The following ZC2HC1B variants were observed in gnomAD, a reference collection of about 807,000 sequenced individuals.
ZC2HC1B encodes the protein zinc finger C2HC-type containing 1B, also known as zinc finger C2HC domain-containing protein 1B.
Under a neutral mutation model 31.0 loss-of-function variants are expected in ZC2HC1B, and 36 were observed. The observed-to-expected ratio is 1.16, with a 90% confidence interval of 0.89 to 1.54. ZC2HC1B has a LOEUF of 1.54. Among genes scored for constraint, ZC2HC1B ranks in the 40% most tolerant of loss-of-function variants. The pLI, the probability that ZC2HC1B is intolerant of heterozygous loss-of-function variation, is 0.00. For missense variants in ZC2HC1B, 260 were observed against 268.6 expected (o/e 0.97, Z 0.22); for synonymous variants, 73 against 88.0 (o/e 0.83, Z 0.95).
Position 143,903,208 on chromosome 6 carries a change from G to A in ZC2HC1B, c.598+56G>A, listed in dbSNP as rs139600165. The A allele has an allele frequency of 1.3e-3, 1,845 of 1,475,938 alleles. 12 individuals carry two copies. Among genetic ancestry groups the A allele is most frequent in the Non-Finnish European group, 1.2e-3 (1,254 of 1,078,176 alleles). 91.4% of individuals were successfully genotyped at this position (1,475,938 alleles called of 1,614,324 possible). On this transcript the variant is annotated intron_variant, in intron 6 of 7. Transcript: ENST00000237275. The surrounding 1 kb of genome is among the most constrained non-coding windows in gnomAD (Gnocchi z 4.3). Reference sequence around the variant, plus strand: ...ATGATGGGGGTCAGAGGAGATCACTGTTGGGTTTGGGATTCACTGGTAGTC... The same window carrying A: ...ATGATGGGGGTCAGAGGAGATCACTATTGGGTTTGGGATTCACTGGTAGTC...
rs1420870568 is a variant in ZC2HC1B, at chr6:143,871,119, C to A, written c.28+6552C>A. On this transcript the variant is annotated intron_variant, in intron 1 of 7. Coordinates refer to ENST00000237275, the MANE Select transcript of ZC2HC1B (RefSeq NM_001013623.3). The surrounding 1 kb of genome is among the most constrained non-coding windows in gnomAD (Gnocchi z 4.1). ...TCTCAACAGGACCCATACCACTGGA[C>A]CCCTAGAAATTTTATTGTGGAAGAA... Among the ~76,000 whole-genome samples, 1 of 152,110 alleles carries A rather than the reference C, an allele frequency of 6.6e-6. No homozygotes were observed. The highest frequency in any genetic ancestry group is 6.6e-5 in the Admixed American group (1 of 15,264).
In ZC2HC1B at chr6:143,903,217, G is replaced by A. The variant is rs1777757388; in HGVS notation, c.598+65G>A. 2 of 1,376,994 alleles carry A rather than the reference G, an allele frequency of 1.5e-6. No individual in the cohort carries two copies. The highest frequency in any genetic ancestry group is 2.0e-6 in the Non-Finnish European group (2 of 988,486). The allele number at this position is 1,376,994 out of a possible 1,614,324, so 85.3% of individuals were successfully genotyped here. A position where few individuals can be genotyped will look rare whatever the true frequency, so the allele number is the denominator to read the frequency against. On this transcript the variant is annotated intron_variant, in intron 6 of 7. Coordinates refer to ENST00000237275, the MANE Select transcript of ZC2HC1B (RefSeq NM_001013623.3). The surrounding 1 kb of genome is among the most constrained non-coding windows in gnomAD (Gnocchi z 4.3). Reference sequence around the variant, plus strand: ...GTCAGAGGAGATCACTGTTGGGTTTGGGATTCACTGGTAGTCTGCAAAAGC... The same window carrying A: ...GTCAGAGGAGATCACTGTTGGGTTTAGGATTCACTGGTAGTCTGCAAAAGC...
intron 4 of ZC2HC1B, among the ~76,000 whole-genome samples, chr6:143,898,175 T>TA (rs763712272): frequency 5.9e-5 from 9 of 152,194 alleles, no homozygotes; most frequent in Non-Finnish European, 1.3e-4. Flanking sequence ...TATCATTACT[T>TA]ACATATTTAT....
chr6:143,875,277 G>C (rs1054903318), intron 1 of ZC2HC1B, among the ~76,000 whole-genome samples: 1 of 152,174 alleles, frequency 6.6e-6, no homozygotes, highest in African/African-American at 2.4e-5. Context: ...CCTTGGTCAA[G>C]GGTATATTTT....
At chr6:143,925,668 C>A (rs1223701399) in intron 6 of ZC2HC1B, among the ~76,000 whole-genome samples, 1 of 151,782 alleles carries the variant, frequency 6.6e-6, no homozygotes, top group Non-Finnish European at 1.5e-5. Context: ...TCCCGAGTAG[C>A]TGGGATTATA....
At position 143,923,886 on chromosome 6, in the gene ZC2HC1B, C is replaced by T. The variant is rs1030081528; in HGVS notation, c.599-13763C>T. Among the ~76,000 whole-genome samples, 17 of 151,824 alleles carry T rather than the reference C, an allele frequency of 1.1e-4. No individual in the cohort carries two copies. The highest frequency in any genetic ancestry group is 6.2e-4 in the South Asian group (3 of 4,810). On this transcript the variant is annotated intron_variant, in intron 6 of 7. Coordinates refer to ENST00000237275, the MANE Select transcript of ZC2HC1B (RefSeq NM_001013623.3). The surrounding 1 kb of genome is among the most constrained non-coding windows in gnomAD (Gnocchi z 4.8). ...TATTTTGAAATCAGGTATGTGATGCCTCCAGCTTTGTTTTTTTTTACTCAG... is the reference window on the plus strand; with the variant it reads ...TATTTTGAAATCAGGTATGTGATGCTTCCAGCTTTGTTTTTTTTTACTCAG...
intron 1 of ZC2HC1B, among the ~76,000 whole-genome samples, chr6:143,878,083 A>T (rs1777428156): frequency 6.6e-6 from 1 of 150,858 alleles, no homozygotes; most frequent in African/African-American, 2.4e-5. Context: ...TACTTGCTAA[A>T]ACTTACTTGT....
chr6:143,893,513 G>A (rs1308731326), intron 4 of ZC2HC1B, among the ~76,000 whole-genome samples: 1 of 152,052 alleles, frequency 6.6e-6, no homozygotes, highest in Middle Eastern at 3.2e-3. Context: ...GTTGCAGTGA[G>A]CAGAGATTGT....
In ZC2HC1B at chr6:143,886,075, G is replaced by A. The variant is rs779338043; in HGVS notation, c.134G>A (p.Arg45His). 3.7e-5 allele frequency: 58 copies of A among 1,548,154 alleles called. No individual in the cohort carries two copies. The highest frequency in any genetic ancestry group is 7.4e-5 in the East Asian group (3 of 40,796). ...PICKKLFNRK[R>H]KPFSSLKQRL... ...TGTAAGAAACTCTTCAACAGAAAGC[G>A]TAAACCTTTCAGTTCTTTGAAGCAA... The change falls in exon 3 of 8, where the codon CGT becomes CAT. Residue 45 changes from arginine (R) to histidine (H), a missense_variant. Physicochemically the swap from Arg to His is conservative, Grantham distance 29. Transcript: ENST00000237275. This position sits in a 1 kb window ranked among gnomAD's most constrained non-coding sequence, Gnocchi z 4.2.
In ZC2HC1B at chr6:143,922,502, A is replaced by G. The variant is rs1777994645; in HGVS notation, c.599-15147A>G. On this transcript the variant is annotated intron_variant, in intron 6 of 7. Coordinates refer to ENST00000237275, the MANE Select transcript of ZC2HC1B (RefSeq NM_001013623.3). The surrounding 1 kb of genome is among the most constrained non-coding windows in gnomAD (Gnocchi z 5.0). Reference sequence around the variant, plus strand: ...CACACACATACCCTTCCCGTCCTCTAGTAACTATCATTCTATTCCCTACAT... The same window carrying G: ...CACACACATACCCTTCCCGTCCTCTGGTAACTATCATTCTATTCCCTACAT... Among the ~76,000 whole-genome samples, 1 of 152,308 alleles carries G rather than the reference A, an allele frequency of 6.6e-6. No individual in the cohort carries two copies. The highest frequency in any genetic ancestry group is 6.5e-5 in the Admixed American group (1 of 15,298).
Position 143,885,891 on chromosome 6 carries a change from C to T in ZC2HC1B, c.91-141C>T. ...GGATGAGAAGAGCCAGATGGATTTG[C>T]TCTGCTGTGACCTGTTAGAGAATGA... On this transcript the variant is annotated intron_variant, in intron 2 of 7. Coordinates refer to ENST00000237275, the MANE Select transcript of ZC2HC1B (RefSeq NM_001013623.3). The surrounding 1 kb of genome is among the most constrained non-coding windows in gnomAD (Gnocchi z 4.2). The T allele has an allele frequency of 1.1e-6, 1 of 897,520 alleles. No individual in the cohort carries two copies. Among genetic ancestry groups the T allele is most frequent in the African/African-American group, 1.7e-5 (1 of 57,746 alleles). The allele number at this position is 897,520 out of a possible 1,614,324, so 55.6% of individuals were successfully genotyped here.
chr6:143,906,958 T>G (rs1276157064), intron 6 of ZC2HC1B, among the ~76,000 whole-genome samples: 1 of 152,140 alleles, frequency 6.6e-6, no homozygotes, highest in Non-Finnish European at 1.5e-5. Flanking sequence ...CAGGCCCCAT[T>G]GTGTGTTGTT....
At chr6:143,912,601 A>G (rs1275126071) in intron 6 of ZC2HC1B, among the ~76,000 whole-genome samples, 1 of 152,212 alleles carries the variant, frequency 6.6e-6, no homozygotes, top group Non-Finnish European at 1.5e-5. Context: ...TGAAATAGCA[A>G]AGATGGCAGC....
In ZC2HC1B at chr6:143,924,955, C is replaced by T. The variant is rs547318704; in HGVS notation, c.599-12694C>T. Among the ~76,000 whole-genome samples, 13 of 152,072 alleles carry T rather than the reference C, an allele frequency of 8.5e-5. No individual in the cohort carries two copies. In the South Asian group the frequency reaches 1.0e-3, roughly 12 times the overall value. On this transcript the variant is annotated intron_variant, in intron 6 of 7. Coordinates refer to ENST00000237275, the MANE Select transcript of ZC2HC1B (RefSeq NM_001013623.3). This position sits in a 1 kb window ranked among gnomAD's most constrained non-coding sequence, Gnocchi z 5.2. ...GTATTGGCCTGTAGTTTTCTATTTC[C>T]ATTATGTCCTTGTCTGGTTTTGGTA... is the stretch of plus-strand genomic sequence containing the variant.
rs557266695 is a variant in ZC2HC1B, at chr6:143,911,431, C to T, written c.598+8279C>T. Among the ~76,000 whole-genome samples the T allele has an allele frequency of 1.4e-4, 22 of 152,274 alleles. No homozygotes were observed. Among genetic ancestry groups the T allele is most frequent in the African/African-American group, 5.3e-4 (22 of 41,554 alleles). On this transcript the variant is annotated intron_variant, in intron 6 of 7. Transcript: ENST00000237275. This position sits in a 1 kb window ranked among gnomAD's most constrained non-coding sequence, Gnocchi z 4.5. Reference sequence around the variant, plus strand: ...TGGCTTTTCCTTTCCATACTTAGTGCTTCCTTCAGGAGCTCTTGCAAGGCA... The same window carrying T: ...TGGCTTTTCCTTTCCATACTTAGTGTTTCCTTCAGGAGCTCTTGCAAGGCA...
chr6:143,866,439 A>C (rs1211018725), intron 1 of ZC2HC1B, among the ~76,000 whole-genome samples: 1 of 152,252 alleles, frequency 6.6e-6, no homozygotes, highest in Non-Finnish European at 1.5e-5. Context: ...ACTGCTGCCC[A>C]GCATCACGAG....
intron 6 of ZC2HC1B, among the ~76,000 whole-genome samples, chr6:143,921,000 C>T (rs1234529954): frequency 1.3e-5 from 2 of 151,982 alleles, no homozygotes; most frequent in Non-Finnish European, 2.9e-5. Flanking sequence ...AACCGAATCC[C>T]AAATGTAATA....
At chr6:143,876,972 A>C (rs1194842458) in intron 1 of ZC2HC1B, among the ~76,000 whole-genome samples, 12 of 150,560 alleles carry the variant, frequency 8.0e-5, no homozygotes. Flanking sequence ...TCACAGACAC[A>C]CCCACGATGA....
At chr6:143,890,253 G>A (rs1409443924) in intron 4 of ZC2HC1B, among the ~76,000 whole-genome samples, 1 of 151,912 alleles carries the variant, frequency 6.6e-6, no homozygotes, top group Non-Finnish European at 1.5e-5. Context: ...TAGGAAAAGA[G>A]CAAATGAGAC....
Sources: allele counts gnomAD v4.1 joint callset (sites outside exome capture counted in the v4.1 genomes callset), GRCh38; gene constraint gnomAD v4.1.1; non-coding constraint Gnocchi (gnomAD v3.1); transcripts MANE v1.5; gene names NCBI Gene and HGNC (gene_info 2026-07-23, HGNC 2026-07-21).